The following BMP2K variants were observed in gnomAD, a reference collection of about 807,000 sequenced individuals.
BMP2K encodes BMP-2-inducible protein kinase.
In BMP2K, 74 loss-of-function variants were observed where a neutral mutation model predicts 116.0. The ratio of observed to expected loss-of-function variants is 0.64; its 90% CI spans 0.53 to 0.77. The LOEUF (loss-of-function observed/expected upper bound fraction) is 0.77. BMP2K is among the 30% of genes least tolerant of loss of function. BMP2K has a pLI of 0.00. For synonymous variants in BMP2K, 486 were observed against 502.5 expected (o/e 0.97, Z 0.44); for missense variants, 1,365 against 1,403.6 (o/e 0.97, Z 0.44).
intron 15 of BMP2K, among the ~76,000 whole-genome samples, chr4:78,907,370 A>C (rs1203968112): frequency 1.3e-5 from 2 of 152,210 alleles, no homozygotes; most frequent in Non-Finnish European, 2.9e-5. Context: ...GTAAATTTTA[A>C]GAAGACTAGG....
chr4:78,791,309 A>G (rs1045428738), intron 1 of BMP2K, among the ~76,000 whole-genome samples: 1 of 152,214 alleles, frequency 6.6e-6, no homozygotes, highest in Non-Finnish European at 1.5e-5. Flanking sequence ...AAATGTTTTC[A>G]TAATAATACT....
At chr4:78,844,824 T>A in intron 4 of BMP2K, 104 bp from the exon 5 acceptor site, 1 of 1,022,840 alleles carries the variant, frequency 9.8e-7, no homozygotes, top group South Asian at 1.5e-5. Context: ...GTTTATTGTG[T>A]AAAAATAAGC....
intron 3 of BMP2K, among the ~76,000 whole-genome samples, chr4:78,835,847 T>C (rs1424230784): frequency 6.6e-6 from 1 of 152,102 alleles, no homozygotes; most frequent in Non-Finnish European, 1.5e-5. Flanking sequence ...TCAAGGGAAG[T>C]ATATAATTCT....
chr4:78,883,929 A>G (rs1326739258), intron 14 of BMP2K, among the ~76,000 whole-genome samples: 1 of 152,056 alleles, frequency 6.6e-6, no homozygotes, highest in Non-Finnish European at 1.5e-5. Context: ...TTAGCCAAGT[A>G]TGGTGTGCCT....
In BMP2K at chr4:78,859,675, C is replaced by A; in HGVS notation, c.975C>A (p.Val325=). The change falls in exon 8 of 16, where the codon GTC becomes GTA. Residue 325 remains valine (V), a synonymous_variant. Transcript: ENST00000502613. ...AATTTGCCAAAAAGGATTGTCCAGT[C>A]TCCAACATCAATGTAAGTAGATTTT... ...AFKFAKKDCP[V]SNINNSSIPS... 1 of 1,588,068 alleles carries A rather than the reference C, an allele frequency of 6.3e-7. No individual in the cohort carries two copies. The highest frequency in any genetic ancestry group is 8.6e-7 in the Non-Finnish European group (1 of 1,158,950).
At position 78,911,874 on chromosome 4, in the gene BMP2K, TG is replaced by T; in HGVS notation, c.3330del (p.Ser1111HisfsTer8). 4.3e-6 allele frequency: 7 copies of T among 1,613,992 alleles called. No individual in the cohort carries two copies. Among genetic ancestry groups the T allele is most frequent in the Non-Finnish European group, 5.9e-6 (7 of 1,179,880 alleles). Reference sequence around the variant, plus strand: ...GGCGGCCAAGACAAAATTCACTACATGGGTCATTCCATAGTGCAGATGTATT... The same window carrying T: ...GGCGGCCAAGACAAAATTCACTACATGGTCATTCCATAGTGCAGATGTATT... ...PGRPRQNSLHGSFHSADVLKM... is the reference protein window; with the variant it reads ...PGRPRQNSLHXSFHSADVLKM... On this transcript the variant is annotated frameshift_variant, in exon 16 of 16. Transcript: ENST00000502613. LOFTEE classifies it high-confidence loss of function.
intron 10 of BMP2K, among the ~76,000 whole-genome samples, chr4:78,868,703 A>G (rs779242481): frequency 6.6e-6 from 1 of 152,096 alleles, no homozygotes; most frequent in Non-Finnish European, 1.5e-5. Flanking sequence ...ATTGGCCAAA[A>G]CAAAGGGGTT....
intron 1 of BMP2K, among the ~76,000 whole-genome samples, chr4:78,806,022 T>TA (rs1206247807): frequency 1.3e-5 from 2 of 152,044 alleles, no homozygotes; most frequent in East Asian, 1.9e-4. Flanking sequence ...TTCATTTTTT[T>TA]ATGGCCTGTG....
chr4:78,906,265 G>A (rs1399300974), intron 15 of BMP2K: 2 of 152,118 alleles, frequency 1.3e-5, no homozygotes, highest in African/African-American at 4.8e-5. Context: ...AAAGTGTAGA[G>A]TGAAATATTT....
intron 1 of BMP2K, among the ~76,000 whole-genome samples, chr4:78,782,884 C>G (rs974898249): frequency 1.3e-5 from 2 of 152,100 alleles, no homozygotes; most frequent in Non-Finnish European, 2.9e-5. Flanking sequence ...ACTCAGCACC[C>G]TTTTTTGTTG....
At chr4:78,886,375 C>G (rs1204887285) in intron 14 of BMP2K, among the ~76,000 whole-genome samples, 1 of 152,216 alleles carries the variant, frequency 6.6e-6, no homozygotes, top group Non-Finnish European at 1.5e-5. Flanking sequence ...CCTCTACCCA[C>G]TTCCTCAATT....
intron 1 of BMP2K, among the ~76,000 whole-genome samples, chr4:78,781,861 G>T (rs1232367850): frequency 6.6e-6 from 1 of 152,068 alleles, no homozygotes; most frequent in Non-Finnish European, 1.5e-5. Context: ...GATTTCGAGC[G>T]GGCGAAGAAG....
At chr4:78,902,132 T>TA (rs1254550682) in intron 15 of BMP2K, among the ~76,000 whole-genome samples, 3 of 152,168 alleles carry the variant, frequency 2.0e-5, no homozygotes, top group African/African-American at 7.2e-5. Flanking sequence ...CAATAATAGT[T>TA]ACGATATACT....
In BMP2K at chr4:78,789,230, T is replaced by A. The variant is rs74780213; in HGVS notation, c.178+12509T>A. On this transcript the variant is annotated intron_variant, in intron 1 of 15. Coordinates refer to ENST00000502613, the MANE Select transcript of BMP2K (RefSeq NM_198892.2). ...ATTTAACCATGAGAAAATGGAGTAA[T>A]GAATGAACCCAAAGTCACATTATTA... Among the ~76,000 whole-genome samples, 328 of 152,342 alleles carry A rather than the reference T, an allele frequency of 2.2e-3. 1 individual carries two copies. The highest frequency in any genetic ancestry group is 7.5e-3 in the African/African-American group (311 of 41,582).
chr4:78,814,878 T>C (rs534351080), intron 1 of BMP2K, among the ~76,000 whole-genome samples: 2 of 152,326 alleles, frequency 1.3e-5, no homozygotes, highest in South Asian at 4.1e-4. Context: ...TATTCACATC[T>C]AGAGACTGGC....
chr4:78,872,052 A>C, intron 12 of BMP2K, 104 bp downstream of exon 12: 1 of 844,142 alleles, frequency 1.2e-6, no homozygotes, highest in Non-Finnish European at 1.8e-6. Flanking sequence ...AAATCAAGTA[A>C]GTTAATTGAC....
At chr4:78,858,436 A>G (rs147117407) in intron 7 of BMP2K, among the ~76,000 whole-genome samples, 419 of 152,076 alleles carry the variant, frequency 2.8e-3, no homozygotes, top group African/African-American at 9.7e-3. Flanking sequence ...TTTATAAGTG[A>G]TATATGTTAG....
At chr4:78,836,888 A>G (rs1480600870) in intron 3 of BMP2K, among the ~76,000 whole-genome samples, 4 of 152,166 alleles carry the variant, frequency 2.6e-5, no homozygotes, top group Non-Finnish European at 5.9e-5. Flanking sequence ...TCTTTTCTCC[A>G]TGGACACTTT....
chr4:78,873,658 CTGTGTGTGTGTGTGTGTG>C (rs377226626), intron 13 of BMP2K, among the ~76,000 whole-genome samples: 1,684 of 139,530 alleles, frequency 0.012, 27 homozygotes, highest in African/African-American at 0.032. Flanking sequence ...CTCCCAACCT[CTGTGTGTGTGTGTGTGTG>C]TGTGTGTGTG....
Sources: gnomAD v4.1 joint callset for allele counts (sites outside exome capture counted in the v4.1 genomes callset) on GRCh38, gnomAD v4.1.1 for gene constraint, MANE v1.5 for transcripts, NCBI Gene and HGNC (gene_info 2026-07-23, HGNC 2026-07-21) for gene names.